The following ANK3 variants were observed in gnomAD, a reference collection of about 807,000 sequenced individuals.
ANK3 encodes the protein ankyrin 3.
In ANK3, 57 loss-of-function variants were observed where a neutral mutation model predicts 370.9. The ratio of observed to expected loss-of-function variants is 0.15; its 90% CI spans 0.12 to 0.19. The LOEUF (loss-of-function observed/expected upper bound fraction) is 0.19. Ranked by LOEUF, ANK3 falls within the 10% of genes least tolerant of loss-of-function variation. The probability of loss-of-function intolerance (pLI) is 1.00; values close to 1 mark genes in which losing one functional copy is unlikely to be tolerated. For synonymous variants in ANK3, 1,929 were observed against 1,946.3 expected, an observed-to-expected ratio of 0.99 and a Z score of 0.23; for missense variants, 4,439 against 5,302.1, an observed-to-expected ratio of 0.84 and a Z score of 5.06.
chr10:60,172,487 T>C, intron 20 of ANK3, 84 bp from the exon 21 acceptor site: 1 of 1,045,944 alleles, frequency 9.6e-7, no homozygotes, highest in South Asian at 1.4e-5. Context: ...GGTGAGTGTC[T>C]CATCAGACCC....
chr10:60,045,752 T>C (rs1416250748), intron 42 of ANK3, among the ~76,000 whole-genome samples: 1 of 152,224 alleles, frequency 6.6e-6, no homozygotes, highest in African/African-American at 2.4e-5. Context: ...ATGGAAAAGA[T>C]AGTGGCTCTG....
chr10:60,595,257 C>A (rs1478848068), intron 2 of ANK3, among the ~76,000 whole-genome samples: 1 of 152,032 alleles, frequency 6.6e-6, no homozygotes, highest in Admixed American at 6.6e-5. Context: ...CATGTAGAGT[C>A]AAATAAACAT....
intron 2 of ANK3, among the ~76,000 whole-genome samples, chr10:60,536,775 G>A (rs888898441): frequency 9.2e-5 from 14 of 152,118 alleles, no homozygotes; most frequent in Non-Finnish European, 1.9e-4. Flanking sequence ...TCTCTAATAA[G>A]TCATCTTCTT....
chr10:60,207,931 C>T, intron 10 of ANK3, 105 bp downstream of exon 10: 1 of 998,444 alleles, frequency 1.0e-6, no homozygotes, highest in Non-Finnish European at 1.6e-6. Flanking sequence ...TACACTTTAA[C>T]TAGCACCTTC....
intron 23 of ANK3, among the ~76,000 whole-genome samples, chr10:60,142,731 A>G (rs2094623017): frequency 6.6e-6 from 1 of 152,162 alleles, no homozygotes; most frequent in Admixed American, 6.6e-5. Flanking sequence ...AGATTAATGA[A>G]AATAAAATAG....
intron 17 of ANK3, among the ~76,000 whole-genome samples, chr10:60,183,317 A>AT (rs1313135618): frequency 6.6e-6 from 1 of 152,154 alleles, no homozygotes; most frequent in African/African-American, 2.4e-5. Context: ...CGTATCTTTG[A>AT]TTTTTATATA....
Position 60,186,884 on chromosome 10 carries a change from G to A in ANK3, c.1916C>T (p.Ala639Val). 1 of 1,614,052 alleles carries A rather than the reference G, an allele frequency of 6.2e-7. No individual in the cohort carries two copies. Among genetic ancestry groups the A allele is most frequent in the African/African-American group, 1.3e-5 (1 of 75,006 alleles). ...CGCTATGTCCATCTGGTTCTTTTTGGCAGCGATGTGCAGTGGCGTATAACC... is the reference window on the plus strand; with the variant it reads ...CGCTATGTCCATCTGGTTCTTTTTGACAGCGATGTGCAGTGGCGTATAACC... ...KNGYTPLHIA[A>V]KKNQMDIATT... Residue 639 changes from alanine (A) to valine (V), a missense_variant, in exon 17 of 44, where the codon GCC (alanine) becomes GTC (valine). Around this residue, in one of 13 missense-constraint regions of ANK3, gnomAD observed 192 missense variants for 192.1 expected, o/e 1.00. Transcript: ENST00000280772.
At chr10:60,244,735 G>T (rs913742903) in intron 7 of ANK3, among the ~76,000 whole-genome samples, 1 of 152,152 alleles carries the variant, frequency 6.6e-6, no homozygotes, top group Non-Finnish European at 1.5e-5. Context: ...CGGAAGCAAA[G>T]ATTACTACCA....
At chr10:60,588,189 T>TATTATTATTATTATC (rs1403591489) in intron 2 of ANK3, among the ~76,000 whole-genome samples, 1 of 148,528 alleles carries the variant, frequency 6.7e-6, no homozygotes, top group Non-Finnish European at 1.5e-5. Context: ...TTATTATTAT[T>TATTATTATTATTATC]ATTATTATTA....
At chr10:60,123,182 C>G (rs12248766) in intron 25 of ANK3, among the ~76,000 whole-genome samples, 4 of 152,164 alleles carry the variant, frequency 2.6e-5, no homozygotes, top group African/African-American at 4.8e-5. Context: ...AAAATTCACA[C>G]GGAATTTTTA....
At chr10:60,514,186 G>C (rs1476841682) in intron 2 of ANK3, among the ~76,000 whole-genome samples, 4 of 152,042 alleles carry the variant, frequency 2.6e-5, no homozygotes, top group African/African-American at 4.8e-5. Flanking sequence ...TATCAGTAAG[G>C]CTGCCCGTCA....
chr10:60,680,624 G>A lies in ANK3; in HGVS notation c.57+52639C>T, dbSNP rs1332862316. Reference sequence around the variant, plus strand: ...ACAGGTAAATGTTTCTCAAATCCGTGTCTCTGGCTTAAATTTTGTTTTTAA... The same window carrying A: ...ACAGGTAAATGTTTCTCAAATCCGTATCTCTGGCTTAAATTTTGTTTTTAA... On this transcript the variant is annotated intron_variant, in intron 1 of 43. Transcript: ENST00000373827. Among the ~76,000 whole-genome samples, 5 of 152,214 alleles carry A rather than the reference G, an allele frequency of 3.3e-5. No homozygotes were observed. In the East Asian group the frequency reaches 9.6e-4, roughly 29 times the overall value.
At chr10:60,220,012 C>G (rs1159805534) in intron 8 of ANK3, among the ~76,000 whole-genome samples, 4 of 152,062 alleles carry the variant, frequency 2.6e-5, no homozygotes, top group Non-Finnish European at 4.4e-5. Context: ...AGTAAAGCAG[C>G]CTTTCAAGTG....
chr10:60,501,508 C>A (rs979116423), intron 2 of ANK3, among the ~76,000 whole-genome samples: 1 of 152,004 alleles, frequency 6.6e-6, no homozygotes, highest in South Asian at 2.1e-4. Flanking sequence ...AGTTTGAGAC[C>A]AGCCTGGCCA....
chr10:60,251,693 T>C (rs755516176), intron 7 of ANK3, among the ~76,000 whole-genome samples: 14 of 152,216 alleles, frequency 9.2e-5, no homozygotes, highest in Non-Finnish European at 1.6e-4. Context: ...CTGTCGGTAC[T>C]TTTCTTTCTG....
intron 1 of ANK3, among the ~76,000 whole-genome samples, chr10:60,288,094 G>C (rs1223681476): frequency 6.6e-6 from 1 of 151,910 alleles, no homozygotes; most frequent in African/African-American, 2.4e-5. Flanking sequence ...TTCCTCAACT[G>C]CCCCCTATAA....
chr10:60,119,895 G>C (rs951944735), intron 25 of ANK3, among the ~76,000 whole-genome samples: 3 of 152,000 alleles, frequency 2.0e-5, no homozygotes, highest in African/African-American at 7.3e-5. Flanking sequence ...ACTGCCCAAA[G>C]TAATCAAAGG....
intron 1 of ANK3, among the ~76,000 whole-genome samples, chr10:60,316,702 C>T (rs1283767257): frequency 2.0e-5 from 3 of 151,974 alleles, no homozygotes; most frequent in Non-Finnish European, 2.9e-5. Context: ...ATGCCTATAT[C>T]GTAAGTATAG....
chr10:60,608,730 A>G (rs928757233), intron 2 of ANK3, among the ~76,000 whole-genome samples: 6 of 152,224 alleles, frequency 3.9e-5, no homozygotes, highest in Admixed American at 2.6e-4. Flanking sequence ...CACAGGCTAG[A>G]TAGACAAATA....
Sources: gnomAD v4.1 joint callset for allele counts (sites outside exome capture counted in the v4.1 genomes callset) on GRCh38, gnomAD v4.1.1 for gene constraint, gnomAD v4.1.1 regional missense constraint, MANE v1.5 for transcripts, NCBI Gene and HGNC (gene_info 2026-07-23, HGNC 2026-07-21) for gene names.